NR4A1: variants seen among roughly 807,000 people sequenced by gnomAD.
NR4A1 encodes the protein nuclear receptor subfamily 4 group A member 1, also known as nuclear receptor subfamily 4immunitygroup A member 1.
Under a neutral mutation model 47.5 loss-of-function variants are expected in NR4A1, and 24 were observed. That is an observed-to-expected ratio of 0.50 (90% CI 0.37 to 0.71). The LOEUF is 0.71. Ranked by LOEUF, NR4A1 falls within the 30% of genes least tolerant of loss-of-function variation. NR4A1 has a pLI of 0.00. For missense variants in NR4A1, 669 were observed against 788.6 expected (o/e 0.85, Z 1.82); for synonymous variants, 353 against 345.7 (o/e 1.02, Z -0.24).
At chr12:52,023,174 T>C (rs1194006140) in intron 1 of NR4A1, among the ~76,000 whole-genome samples, 1 of 151,950 alleles carries the variant, frequency 6.6e-6, no homozygotes, top group Non-Finnish European at 1.5e-5. Context: ...GTGCTGGGGG[T>C]TGGAGCCCCA....
chr12:52,059,200 T>G lies in NR4A1; in HGVS notation c.*256T>G. The G allele has an allele frequency of 1.9e-6, 1 of 530,766 alleles. No individual in the cohort carries two copies. Among genetic ancestry groups the G allele is most frequent in the Middle Eastern group, 4.9e-4 (1 of 2,028 alleles). 32.9% of individuals were successfully genotyped at this position (530,766 alleles called of 1,614,324 possible). ...TATGTTTTTTGTAAGATAAACCGTT[T>G]TTAACACATAGCGCCGTGCTGTAAA... On this transcript the variant is annotated 3_prime_UTR_variant, in exon 7 of 7. Coordinates refer to ENST00000394825, the MANE Select transcript of NR4A1 (RefSeq NM_173157.3).
chr12:52,056,265 C>G, intron 3 of NR4A1, 106 bp downstream of exon 3: 1 of 1,458,438 alleles, frequency 6.9e-7, no homozygotes, highest in East Asian at 2.4e-5. Flanking sequence ...GAGGGCACGT[C>G]TTATTTCCAC....
In NR4A1 at chr12:52,055,076, G is replaced by A. The variant is rs753878433; in HGVS notation, c.748G>A (p.Val250Met). ...LEGSGILDTPVTSTKARSGAP... is the reference protein window; with the variant it reads ...LEGSGILDTPMTSTKARSGAP... The stretch of plus-strand genomic sequence containing the variant: ...GGGCTCGGGGATACTGGATACACCC[G>A]TGACCTCAACCAAGGCCCGGAGCGG... The change falls in exon 2 of 7, where the codon GTG becomes ATG. Residue 250 changes from valine to methionine, a missense_variant. Physicochemically the swap from Val to Met is conservative, Grantham distance 21. Coordinates refer to ENST00000394825, the MANE Select transcript of NR4A1 (RefSeq NM_173157.3). The A allele has an allele frequency of 1.9e-6, 3 of 1,614,244 alleles. No individual in the cohort carries two copies. The highest frequency in any genetic ancestry group is 1.1e-5 in the South Asian group (1 of 91,084).
intron 2 of NR4A1, 173 bp from the exon 3 acceptor site, chr12:52,055,857 C>CG (rs1939234058): frequency 2.1e-6 from 1 of 465,710 alleles, no homozygotes; most frequent in Non-Finnish European, 3.8e-6. Flanking sequence ...TTTTCTCTCC[C>CG]CCCGCCCAAC....
At chr12:52,047,915 G>A (rs1004313281), upstream of NR4A1, among the ~76,000 whole-genome samples, 5 of 152,158 alleles carry the variant, frequency 3.3e-5, no homozygotes, top group Non-Finnish European at 7.3e-5. Flanking sequence ...AGCACTTTGG[G>A]AGGCCAAGGC....
upstream of NR4A1, among the ~76,000 whole-genome samples, chr12:52,051,085 T>TG (rs1281897105): frequency 2.0e-5 from 3 of 152,112 alleles, no homozygotes; most frequent in Admixed American, 2.0e-4. Flanking sequence ...ATTCTGGACC[T>TG]GGGGGCCCCC....
chr12:52,048,101 C>T (rs973207878), upstream of NR4A1, among the ~76,000 whole-genome samples: 2 of 151,334 alleles, frequency 1.3e-5, no homozygotes, highest in African/African-American at 4.9e-5. Flanking sequence ...TTGCAGTGAG[C>T]CGAGATCGCA....
chr12:52,031,267 C>T (rs1334835719), intron 1 of NR4A1, among the ~76,000 whole-genome samples: 1 of 151,826 alleles, frequency 6.6e-6, no homozygotes, highest in East Asian at 2.0e-4. Context: ...CTCAAATGAT[C>T]CTCCCATCTC....
chr12:52,045,082 C>T (rs969879389), intron 2 of NR4A1, among the ~76,000 whole-genome samples: 7 of 152,224 alleles, frequency 4.6e-5, no homozygotes, highest in African/African-American at 7.2e-5. Flanking sequence ...ATTGACCACT[C>T]GCTGCATACA....
chr12:52,034,419 G>A (rs1051863611), intron 1 of NR4A1, among the ~76,000 whole-genome samples: 2 of 152,232 alleles, frequency 1.3e-5, no homozygotes, highest in East Asian at 1.9e-4. Flanking sequence ...AATGTGGGGC[G>A]TCACTGGCCA....
rs1397389066 is a variant in NR4A1 at position 52,057,152 on chromosome 12, C to T, written c.1254C>T (p.Arg418=). 20 of 1,614,124 alleles carry T rather than the reference C, an allele frequency of 1.2e-5. No homozygotes were observed. Among genetic ancestry groups the T allele is most frequent in the Non-Finnish European group, 1.7e-5 (20 of 1,179,972 alleles). ...TCTCCGGTTCTCTGGAGGTCATCCG[C>T]AAGTGGGCGGAGAAGATCCCTGGCT... ...DLLSGSLEVI[R]KWAEKIPGFA... The change falls in exon 5 of 7, where the codon CGC becomes CGT. Residue 418 remains arginine, a synonymous_variant. Transcript: ENST00000394825.
In NR4A1 at chr12:52,043,667, C is replaced by T. The variant is rs755075514; in HGVS notation, c.37+1738C>T. ...AGTGGCTCCCCCCATCCCCAGAGGCCGGCTCTGGTTTCTGCTATATAAACA... is the reference window on the plus strand; with the variant it reads ...AGTGGCTCCCCCCATCCCCAGAGGCTGGCTCTGGTTTCTGCTATATAAACA... On this transcript the variant is annotated intron_variant, in intron 2 of 7. Transcript: ENST00000360284. 8.1e-5 allele frequency: 97 copies of T among 1,194,200 alleles called. 1 individual carries two copies. In the African/African-American group the frequency reaches 1.1e-3, roughly 13 times the overall value. 74.0% of individuals were successfully genotyped at this position (1,194,200 alleles called of 1,614,324 possible). A position where few individuals can be genotyped will look rare whatever the true frequency, so the allele number is the denominator to read the frequency against.
In NR4A1 at chr12:52,054,334, C is replaced by CTG. The variant is rs1939128945; in HGVS notation, c.8_9dup (p.Ile4ValfsTer24). 1 of 1,607,216 alleles carries CTG rather than the reference C, an allele frequency of 6.2e-7. No individual in the cohort carries two copies. Among genetic ancestry groups the CTG allele is most frequent in the Admixed American group, 1.7e-5 (1 of 59,618 alleles). ...GGTCTCCTCTCTCTCCAGAGATGCC[C>CTG]TGTATCCAAGCCCAATATGGGACAC... On this transcript the variant is annotated frameshift_variant, in exon 2 of 7. Coordinates refer to ENST00000394825, the MANE Select transcript of NR4A1 (RefSeq NM_173157.3). LOFTEE classifies it high-confidence loss of function.
At chr12:52,051,235 G>C (rs1938914220), upstream of NR4A1, among the ~76,000 whole-genome samples, 1 of 152,146 alleles carries the variant, frequency 6.6e-6, no homozygotes, top group Non-Finnish European at 1.5e-5. Flanking sequence ...CGTGCGTCAC[G>C]CGCGCAGACA....
At position 52,058,643 on chromosome 12, in the gene NR4A1, G is replaced by A. The variant is rs1395585146; in HGVS notation, c.1541-45G>A. On this transcript the variant is annotated intron_variant, in intron 6 of 6. Coordinates refer to ENST00000394825, the MANE Select transcript of NR4A1 (RefSeq NM_173157.3). ...GCCTGGGGGAGGCTGGGGCTTTGGG[G>A]GCCTGGTTCTCAGATGTACAGCTAA... 3.4e-6 allele frequency: 5 copies of A among 1,491,782 alleles called. No individual in the cohort carries two copies. The East Asian group carries it at 9.9e-5, about 30-fold the overall frequency. 92.4% of individuals were successfully genotyped at this position (1,491,782 alleles called of 1,614,324 possible).
rs763038748 is a variant in NR4A1 at position 52,054,473 on chromosome 12, G to A, written c.145G>A (p.Ala49Thr). ...SPEAAPAAPT[A>T]LPSFSTFMDG... is the part of the protein sequence containing the mutation. Reference sequence around the variant, plus strand: ...CGAGGCAGCCCCCGCTGCCCCCACTGCCCTGCCCAGCTTCAGCACCTTCAT... The same window carrying A: ...CGAGGCAGCCCCCGCTGCCCCCACTACCCTGCCCAGCTTCAGCACCTTCAT... The change falls in exon 2 of 7, where the codon GCC (alanine) becomes ACC (threonine). Residue 49 changes from alanine (A) to threonine (T), a missense_variant. By Grantham distance (58) the Ala-to-Thr change is moderately conservative. Transcript: ENST00000394825. 16 of 1,613,574 alleles carry A rather than the reference G, an allele frequency of 9.9e-6. No homozygotes were observed. The South Asian group carries it at 1.6e-4, about 17-fold the overall frequency.
chr12:52,043,891 C>T, intron 2 of NR4A1: 1 of 1,289,256 alleles, frequency 7.8e-7, no homozygotes, highest in Non-Finnish European at 1.0e-6. Context: ...AGGGTCAAAG[C>T]AGATCGTGAG....
chr12:52,040,868 A>C (rs1938406557), intron 1 of NR4A1, among the ~76,000 whole-genome samples: 1 of 152,164 alleles, frequency 6.6e-6, no homozygotes, highest in African/African-American at 2.4e-5. Flanking sequence ...ATAGCCAGTG[A>C]AGGCCTGGTC....
chr12:52,050,904 A>C (rs1938889986), upstream of NR4A1, among the ~76,000 whole-genome samples: 1 of 152,094 alleles, frequency 6.6e-6, no homozygotes, highest in African/African-American at 2.4e-5. Context: ...CTAGGGCTCC[A>C]GGAAGGGCTT....
Sources: allele counts gnomAD v4.1 joint callset (sites outside exome capture counted in the v4.1 genomes callset), GRCh38; gene constraint gnomAD v4.1.1; transcripts MANE v1.5; gene names NCBI Gene and HGNC (gene_info 2026-07-23, HGNC 2026-07-21).